The following SMAP2 variants were observed in gnomAD, a reference collection of about 807,000 sequenced individuals.
SMAP2 encodes small ArfGAP2, also known as stromal membrane-associated protein 2.
In SMAP2, 25 loss-of-function variants were observed where a neutral mutation model predicts 56.4. The observed-to-expected ratio is 0.44, with a 90% confidence interval of 0.32 to 0.62. SMAP2 has a LOEUF of 0.62. Ranked by LOEUF, SMAP2 falls within the 20% of genes least tolerant of loss-of-function variation. The pLI is 0.04. For missense variants in SMAP2, 388 were observed against 545.6 expected (o/e 0.71, Z 2.88); for synonymous variants, 157 against 181.7 (o/e 0.86, Z 1.09).
chr1:40,401,443 G>A (rs1644833631), intron 1 of SMAP2, among the ~76,000 whole-genome samples: 1 of 152,134 alleles, frequency 6.6e-6, no homozygotes, highest in Admixed American at 6.5e-5. Context: ...GGTCCGTTAT[G>A]CCAGCAGGTC....
chr1:40,391,284 T>A (rs764522110), intron 1 of SMAP2, among the ~76,000 whole-genome samples: 2 of 152,226 alleles, frequency 1.3e-5, no homozygotes, highest in Non-Finnish European at 2.9e-5. Flanking sequence ...GTTTAATCAG[T>A]AAGCATGCAT....
Position 40,352,823 on chromosome 1 carries a change from C to T in SMAP2, c.-83+7913C>T, listed in dbSNP as rs572969473. On this transcript the variant is annotated intron_variant, in intron 1 of 6. Coordinates refer to the SMAP2 transcript ENST00000435168. ...GATTACAGGTGTGAGCCACCACACG[C>T]GGCGCCTCCTCCTCATTTTTGATGG... Among the ~76,000 whole-genome samples, 28 of 152,250 alleles carry T rather than the reference C, an allele frequency of 1.8e-4. No homozygotes were observed. In the East Asian group the frequency reaches 1.9e-3, roughly 11 times the overall value.
chr1:40,394,409 C>T (rs1644749478), intron 1 of SMAP2, among the ~76,000 whole-genome samples: 1 of 151,968 alleles, frequency 6.6e-6, no homozygotes, highest in South Asian at 2.1e-4. Flanking sequence ...AAGAGGTGGA[C>T]CTGTTCAGAT....
rs1188800165 is a variant in SMAP2 at position 40,374,598 on chromosome 1, T to G, written c.103+375T>G. On this transcript the variant is annotated intron_variant, in intron 1 of 9. Transcript: ENST00000372718. The surrounding 1 kb of genome is among the most constrained non-coding windows in gnomAD (Gnocchi z 5.9). ...TGCATTGCGTGCGTGCGTGCGTGCG[T>G]GTGTGTGTGTGTGTGTGTGTGTGTG... 1 of 595,516 alleles carries G rather than the reference T, an allele frequency of 1.7e-6. No individual in the cohort carries two copies. The highest frequency in any genetic ancestry group is 2.7e-6 in the Non-Finnish European group (1 of 365,156). 36.9% of individuals were successfully genotyped at this position (595,516 alleles called of 1,614,324 possible).
At chr1:40,353,597 T>G (rs1319285512) in intron 1 of SMAP2, among the ~76,000 whole-genome samples, 2 of 152,118 alleles carry the variant, frequency 1.3e-5, no homozygotes, top group Non-Finnish European at 2.9e-5. Flanking sequence ...CTCGAGTCCC[T>G]AATCTCAAGT....
chr1:40,382,610 T>A (rs1644609567), intron 1 of SMAP2, among the ~76,000 whole-genome samples: 1 of 152,268 alleles, frequency 6.6e-6, no homozygotes, highest in South Asian at 2.1e-4. Flanking sequence ...TGACAGTTCA[T>A]ACCACATTGA....
rs1337915350 is a variant in SMAP2 at position 40,415,286 on chromosome 1, T to C, written c.586T>C (p.Cys196Arg). 1.2e-6 allele frequency: 2 copies of C among 1,613,704 alleles called. No homozygotes were observed. The highest frequency in any genetic ancestry group is 2.2e-5 in the South Asian group (2 of 91,068). Residue 196 changes from cysteine (C) to arginine (R), a missense_variant, in exon 7 of 10, where the codon TGC (cysteine) becomes CGC (arginine). Coordinates refer to ENST00000372718, the MANE Select transcript of SMAP2 (RefSeq NM_022733.3). ...TCTCTTTCTAGATGCTCCTGTGGCCTGCTCCATTGCAAATAGTAAGACCAG... is the reference window on the plus strand; with the variant it reads ...TCTCTTTCTAGATGCTCCTGTGGCCCGCTCCATTGCAAATAGTAAGACCAG... ...DLLGLDAPVA[C>R]SIANSKTSNT...
At position 40,416,890 on chromosome 1, in the gene SMAP2, A is replaced by G. The variant is rs1476155950; in HGVS notation, c.958A>G (p.Met320Val). 1.9e-6 allele frequency: 3 copies of G among 1,614,088 alleles called. No individual in the cohort carries two copies. The highest frequency in any genetic ancestry group is 2.7e-5 in the African/African-American group (2 of 74,936). ...GAGCATGATGCCTCCACCAGTAGGC[A>G]TGGTTGCTCAGCCAGGAGCTTCTGG... is the stretch of plus-strand genomic sequence containing the variant. Reference protein sequence around the residue: ...MGSMMPPPVGMVAQPGASGMV... With the variant: ...MGSMMPPPVGVVAQPGASGMV... Residue 320 changes from methionine (M) to valine (V), a missense_variant, in exon 9 of 10, where the codon ATG becomes GTG. By Grantham distance (21) the Met-to-Val change is conservative (BLOSUM62 1). Coordinates refer to ENST00000372718, the MANE Select transcript of SMAP2 (RefSeq NM_022733.3).
At chr1:40,361,987 TGGGAA>T (rs1422360503) in intron 1 of SMAP2, among the ~76,000 whole-genome samples, 1 of 152,012 alleles carries the variant, frequency 6.6e-6, no homozygotes, top group East Asian at 1.9e-4. Flanking sequence ...TTGTAAAGTG[TGGGAA>T]GGGTGAAAGA....
rs776618406 is a variant in SMAP2, at chr1:40,409,752, T to C, written c.324-5T>C. ...TTGGATTCATCCTTAATAAGCTTTTTGCAGAGCTGTTGAAGGATTTATTCG... is the reference window on the plus strand; with the variant it reads ...TTGGATTCATCCTTAATAAGCTTTTCGCAGAGCTGTTGAAGGATTTATTCG... On this transcript the variant is annotated splice_polypyrimidine_tract_variant and splice_region_variant and intron_variant, in intron 3 of 9. Transcript: ENST00000372718. 1 of 1,605,376 alleles carries C rather than the reference T, an allele frequency of 6.2e-7. No individual in the cohort carries two copies. Among genetic ancestry groups the C allele is most frequent in the Admixed American group, 1.7e-5 (1 of 59,978 alleles).
chr1:40,346,710 G>T (rs1644387156), intron 1 of SMAP2, among the ~76,000 whole-genome samples: 1 of 86,298 alleles, frequency 1.2e-5, no homozygotes, highest in Non-Finnish European at 2.2e-5. Context: ...TATATTGCTG[G>T]TGTTTCTCAG....
chr1:40,381,951 T>C (rs1644603868), intron 1 of SMAP2, among the ~76,000 whole-genome samples: 1 of 152,172 alleles, frequency 6.6e-6, no homozygotes, highest in Admixed American at 6.5e-5. Context: ...TTGATGTTGA[T>C]TTTTGAGGCT....
At chr1:40,360,004 C>CTTTTTTT (rs775408458) in intron 1 of SMAP2, among the ~76,000 whole-genome samples, 122 of 102,450 alleles carry the variant, frequency 1.2e-3, no homozygotes, top group Middle Eastern at 0.013. Context: ...CTTCTTCTTT[C>CTTTTTTT]TTTTTTTTTT....
At chr1:40,372,713 A>G (rs1557826124), upstream of SMAP2, among the ~76,000 whole-genome samples, 2 of 152,348 alleles carry the variant, frequency 1.3e-5, no homozygotes, top group South Asian at 4.1e-4. Context: ...AGAGGGTTTC[A>G]CCAGAGTTTA....
At chr1:40,381,536 C>T (rs1349969868) in intron 1 of SMAP2, among the ~76,000 whole-genome samples, 1 of 151,974 alleles carries the variant, frequency 6.6e-6, no homozygotes, top group Non-Finnish European at 1.5e-5. Flanking sequence ...CGAAGGTGCA[C>T]TGTTTTGTGT....
At chr1:40,382,199 G>T (rs1008699644) in intron 1 of SMAP2, among the ~76,000 whole-genome samples, 1 of 152,086 alleles carries the variant, frequency 6.6e-6, no homozygotes, top group African/African-American at 2.4e-5. Context: ...CTATATAACT[G>T]TTCATCACAT....
Position 40,407,945 on chromosome 1 carries a change from T to C in SMAP2, c.238-708T>C, listed in dbSNP as rs566624749. ...CATTATTTTTTATTCTCTTCCTACA[T>C]TGAAACGCTTTAATTTCAATTTTTT... On this transcript the variant is annotated intron_variant, in intron 2 of 9. Transcript: ENST00000372718. Among the ~76,000 whole-genome samples, 18 of 152,282 alleles carry C rather than the reference T, an allele frequency of 1.2e-4. No homozygotes were observed. The South Asian group carries it at 2.3e-3, about 19-fold the overall frequency.
intron 1 of SMAP2, among the ~76,000 whole-genome samples, chr1:40,361,388 G>T (rs143660481): frequency 1.3e-5 from 2 of 152,262 alleles, no homozygotes; most frequent in East Asian, 1.9e-4. Flanking sequence ...TCAGAGATGT[G>T]CTGGCTTAAT....
intron 1 of SMAP2, among the ~76,000 whole-genome samples, chr1:40,402,483 G>A (rs963009025): frequency 4.6e-5 from 7 of 151,306 alleles, no homozygotes; most frequent in Non-Finnish European, 8.8e-5. Context: ...ACAAGGTCTC[G>A]CTGTCATCTA....
Sources: gnomAD v4.1 joint callset for allele counts (sites outside exome capture counted in the v4.1 genomes callset) on GRCh38, gnomAD v4.1.1 for gene constraint, Gnocchi (gnomAD v3.1) non-coding constraint, MANE v1.5 for transcripts, NCBI Gene and HGNC (gene_info 2026-07-23, HGNC 2026-07-21) for gene names.